The following CSMD2 variants were observed in gnomAD, a reference collection of about 807,000 sequenced individuals.
CSMD2 encodes the protein CUB and sushi domain-containing protein 2.
In CSMD2, 130 loss-of-function variants were observed where a neutral mutation model predicts 398.5. That is an observed-to-expected ratio of 0.33 (90% CI 0.28 to 0.38). The LOEUF (loss-of-function observed/expected upper bound fraction) is 0.38. CSMD2 is among the 10% of genes least tolerant of loss of function. CSMD2 has a pLI of 1.00. For missense variants in CSMD2, 3,829 were observed against 4,764.9 expected (o/e 0.80, Z 5.78); for synonymous variants, 1,828 against 1,908.5 (o/e 0.96, Z 1.10).
At chr1:33,711,476 G>C (rs538787897) in intron 21 of CSMD2, among the ~76,000 whole-genome samples, 79 of 152,268 alleles carry the variant, frequency 5.2e-4, no homozygotes, top group African/African-American at 1.8e-3. Flanking sequence ...ATATAAGATA[G>C]GTAAACATAG....
At chr1:33,887,727 A>G (rs1641698297) in intron 5 of CSMD2, among the ~76,000 whole-genome samples, 1 of 152,116 alleles carries the variant, frequency 6.6e-6, no homozygotes. Context: ...GAGCTGCCAA[A>G]CCTATCACTC....
chr1:33,998,016 G>A (rs1318744224), intron 3 of CSMD2, among the ~76,000 whole-genome samples: 1 of 152,096 alleles, frequency 6.6e-6, no homozygotes, highest in African/African-American at 2.4e-5. Context: ...AATTCATGTT[G>A]AAATTTAATC....
intron 5 of CSMD2, among the ~76,000 whole-genome samples, chr1:33,847,802 C>A (rs1039025642): frequency 7.2e-5 from 11 of 152,104 alleles, no homozygotes; most frequent in Non-Finnish European, 1.3e-4. Context: ...GACTTAGTGA[C>A]CTTATCTAAA....
chr1:33,909,379 T>A (rs1320830744), intron 5 of CSMD2, among the ~76,000 whole-genome samples: 1 of 152,138 alleles, frequency 6.6e-6, no homozygotes, highest in African/African-American at 2.4e-5. Flanking sequence ...GAGGTCAGAT[T>A]TAGAATAGGG....
chr1:33,657,218 C>A lies in CSMD2; in HGVS notation c.4447+728G>T, dbSNP rs1020679561. On this transcript the variant is annotated intron_variant, in intron 27 of 70. Transcript: ENST00000373381. ...AAAGAAACAAAACCTGTAATCCCAGCATTTTGGGAGGTTAAGGCAGGAGGA... is the reference window on the plus strand; with the variant it reads ...AAAGAAACAAAACCTGTAATCCCAGAATTTTGGGAGGTTAAGGCAGGAGGA... 3.3e-5 allele frequency among the ~76,000 whole-genome samples: 5 copies of A among 152,176 alleles called. No individual in the cohort carries two copies. The South Asian group carries it at 1.0e-3, about 31-fold the overall frequency.
chr1:33,651,446 T>C (rs149287114), intron 28 of CSMD2, among the ~76,000 whole-genome samples: 1 of 152,202 alleles, frequency 6.6e-6, no homozygotes, highest in African/African-American at 2.4e-5. Context: ...TGGATAGCGA[T>C]GCTGACGCTC....
chr1:33,693,984 A>AGGAGGT (rs1376685300), intron 24 of CSMD2, among the ~76,000 whole-genome samples: 1 of 152,084 alleles, frequency 6.6e-6, no homozygotes, highest in East Asian at 1.9e-4. Flanking sequence ...ACTTGAACCC[A>AGGAGGT]GGAGGTGGAG....
In CSMD2 at chr1:33,782,184, C is replaced by T. The variant is rs116282886; in HGVS notation, c.1663+6416G>A. 4.8e-3 allele frequency among the ~76,000 whole-genome samples: 722 copies of T among 151,320 alleles called. 4 individuals are homozygous for T. The highest frequency in any genetic ancestry group is 0.017 in the African/African-American group (686 of 41,428). ...ACGAGAAACCTGCATCACAGCTACC[C>T]GCCCCCCAACCCCTGCTCGTTCCTG... On this transcript the variant is annotated intron_variant, in intron 12 of 70. Transcript: ENST00000373381.
intron 43 of CSMD2, among the ~76,000 whole-genome samples, chr1:33,601,733 C>G (rs556584931): frequency 2.0e-4 from 30 of 152,350 alleles, no homozygotes; most frequent in African/African-American, 7.0e-4. Flanking sequence ...AAAATTAACT[C>G]TTGTTGTATA....
chr1:33,896,242 A>AG (rs1406132099), intron 5 of CSMD2, among the ~76,000 whole-genome samples: 1 of 151,808 alleles, frequency 6.6e-6, no homozygotes, highest in Non-Finnish European at 1.5e-5. Context: ...TAGGAGGGTA[A>AG]GGAGGGGAGT....
At chr1:33,895,418 T>A (rs1403091168) in intron 5 of CSMD2, among the ~76,000 whole-genome samples, 1 of 151,948 alleles carries the variant, frequency 6.6e-6, no homozygotes, top group Non-Finnish European at 1.5e-5. Flanking sequence ...TGGGAAATGG[T>A]CTGAGTCCAA....
At chr1:33,549,888 A>G (rs1190378991) in intron 56 of CSMD2, among the ~76,000 whole-genome samples, 1 of 152,176 alleles carries the variant, frequency 6.6e-6, no homozygotes, top group Admixed American at 6.5e-5. Context: ...AAGTGTCTGG[A>G]CAGGACTCTG....
At position 33,663,429 on chromosome 1, in the gene CSMD2, A is replaced by G. The variant is rs1397668596; in HGVS notation, c.4053-337T>C. The stretch of plus-strand genomic sequence containing the variant: ...GACCTCTCCCTGAGCCCATATTGTT[A>G]CCATTCTAGGTTGGAAGGGGAATAC... On this transcript the variant is annotated intron_variant, in intron 25 of 70. Coordinates refer to ENST00000373381, the MANE Select transcript of CSMD2 (RefSeq NM_001281956.2). 2.6e-5 allele frequency among the ~76,000 whole-genome samples: 4 copies of G among 152,078 alleles called. No individual in the cohort carries two copies. In the East Asian group the frequency reaches 5.8e-4, roughly 22 times the overall value.
intron 25 of CSMD2, among the ~76,000 whole-genome samples, chr1:33,665,209 T>C (rs1343600278): frequency 1.3e-5 from 2 of 152,166 alleles, no homozygotes; most frequent in African/African-American, 4.8e-5. Context: ...TTTTATATGA[T>C]ATATTTGTTG....
chr1:34,087,715 G>C (rs1444798506), intron 2 of CSMD2, among the ~76,000 whole-genome samples: 5 of 151,920 alleles, frequency 3.3e-5, no homozygotes, highest in African/African-American at 7.3e-5. Flanking sequence ...CATAGGACCA[G>C]ACATGTTAGA....
intron 3 of CSMD2, among the ~76,000 whole-genome samples, chr1:34,025,807 T>C (rs2148129105): frequency 6.6e-6 from 1 of 152,294 alleles, no homozygotes; most frequent in South Asian, 2.1e-4. Flanking sequence ...GCTCAAGCAG[T>C]GCCAGAGGCT....
At chr1:34,092,976 C>CA (rs1459405395) in intron 1 of CSMD2, among the ~76,000 whole-genome samples, 1 of 152,144 alleles carries the variant, frequency 6.6e-6, no homozygotes, top group African/African-American at 2.4e-5. Context: ...AACAAAAAGA[C>CA]AGCAGTAACC....
At chr1:33,778,600 C>T (rs1276819448) in intron 12 of CSMD2, among the ~76,000 whole-genome samples, 1 of 152,066 alleles carries the variant, frequency 6.6e-6, no homozygotes, top group Admixed American at 6.5e-5. Flanking sequence ...CTGGAACACA[C>T]AGAATACTCT....
At chr1:33,614,123 G>A (rs923425748) in intron 40 of CSMD2, among the ~76,000 whole-genome samples, 5 of 151,862 alleles carry the variant, frequency 3.3e-5, no homozygotes, top group Admixed American at 6.6e-5. Context: ...GTCTCTGTAC[G>A]ACAGATTTCC....
Sources: gnomAD v4.1 joint callset for allele counts (sites outside exome capture counted in the v4.1 genomes callset) on GRCh38, gnomAD v4.1.1 for gene constraint, MANE v1.5 for transcripts, NCBI Gene and HGNC (gene_info 2026-07-23, HGNC 2026-07-21) for gene names.